The following RALGAPA1 variants were observed in gnomAD, a reference collection of about 807,000 sequenced individuals.
RALGAPA1 encodes the protein ral GTPase-activating protein subunit alpha-1.
In RALGAPA1, 52 loss-of-function variants were observed where a neutral mutation model predicts 269.6. The observed-to-expected ratio is 0.19, with a 90% CI of 0.15 to 0.24. The LOEUF (loss-of-function observed/expected upper bound fraction) is 0.24. RALGAPA1 is among the 10% of genes least tolerant of loss of function. The pLI, the probability that RALGAPA1 is intolerant of heterozygous loss-of-function variation, is 1.00. For synonymous variants in RALGAPA1, 817 were observed against 1,008.3 expected (o/e 0.81, Z 3.60); for missense variants, 1,917 against 3,013.9 (o/e 0.64, Z 8.52).
chr14:35,711,281 A>G (rs909174664), intron 16 of RALGAPA1, among the ~76,000 whole-genome samples: 12 of 152,122 alleles, frequency 7.9e-5, no homozygotes, highest in Non-Finnish European at 2.9e-5. Context: ...TTTTCTATTC[A>G]GTGCCTTTCT....
chr14:35,650,205 C>G (rs2062725218), intron 31 of RALGAPA1, among the ~76,000 whole-genome samples: 1 of 151,736 alleles, frequency 6.6e-6, no homozygotes, highest in South Asian at 2.1e-4. Flanking sequence ...GACCCCCCCG[C>G]CCCCGACACA....
At chr14:35,552,719 C>CAAAAAAAAAAAAAA (rs34917498) in intron 39 of RALGAPA1, among the ~76,000 whole-genome samples, 1 of 117,024 alleles carries the variant, frequency 8.5e-6, no homozygotes, top group Non-Finnish European at 2.0e-5. Context: ...ACTAGCCAAT[C>CAAAAAAAAAAAAAA]AAAAAAAAAA....
intron 17 of RALGAPA1, among the ~76,000 whole-genome samples, chr14:35,697,248 A>C (rs2066974926): frequency 6.6e-6 from 1 of 152,218 alleles, no homozygotes; most frequent in South Asian, 2.1e-4. Context: ...CTGGAACCTT[A>C]ATGGCACAGG....
chr14:35,607,659 G>A (rs926675979), intron 35 of RALGAPA1, among the ~76,000 whole-genome samples: 31 of 152,216 alleles, frequency 2.0e-4, no homozygotes, highest in African/African-American at 7.2e-4. Flanking sequence ...AGGTTGTAGT[G>A]AGAGATAGGT....
At chr14:35,774,050 A>G (rs2074839997) in intron 3 of RALGAPA1, among the ~76,000 whole-genome samples, 1 of 152,072 alleles carries the variant, frequency 6.6e-6, no homozygotes, top group African/African-American at 2.4e-5. Flanking sequence ...AGTCACTAGC[A>G]CTACAAGCGC....
At chr14:35,808,533 C>G (rs750177351) in intron 1 of RALGAPA1, among the ~76,000 whole-genome samples, 197 bp downstream of exon 1, 13 of 152,196 alleles carry the variant, frequency 8.5e-5, no homozygotes, top group Non-Finnish European at 1.5e-4. Flanking sequence ...AATTAGATTA[C>G]TGTGTTAACA....
intron 31 of RALGAPA1, among the ~76,000 whole-genome samples, chr14:35,638,525 A>G (rs2061807868): frequency 6.6e-6 from 1 of 152,132 alleles, no homozygotes; most frequent in African/African-American, 2.4e-5. Context: ...AGAGAAAATC[A>G]CCTTCACTAA....
In RALGAPA1 at chr14:35,700,286, G is replaced by A. The variant is rs556183596; in HGVS notation, c.2283C>T (p.Ser761=). ...RQKTVAMRSR[S]IGECALPSAY... ...CCGATGGCAGAGCACATTCACCAAT[G>A]GATCGGCTTCTCATGGCTTTAAAAA... Residue 761 remains serine, a synonymous_variant, in exon 17 of 42, where the codon TCC becomes TCT. Coordinates refer to ENST00000680220, the MANE Select transcript of RALGAPA1 (RefSeq NM_001346249.2). The A allele has an allele frequency of 6.6e-7, 1 of 1,525,982 alleles. No homozygotes were observed. Among genetic ancestry groups the A allele is most frequent in the African/African-American group, 1.4e-5 (1 of 72,714 alleles). 94.5% of individuals were successfully genotyped at this position (1,525,982 alleles called of 1,614,324 possible). A position where few individuals can be genotyped will look rare whatever the true frequency, so the allele number is the denominator to read the frequency against.
intron 1 of RALGAPA1, among the ~76,000 whole-genome samples, chr14:35,779,800 A>G (rs1457978554): frequency 1.3e-5 from 2 of 152,228 alleles, no homozygotes; most frequent in Non-Finnish European, 2.9e-5. Flanking sequence ...CAAAGTCTGG[A>G]AATTATTTAC....
intron 1 of RALGAPA1, among the ~76,000 whole-genome samples, chr14:35,780,857 C>T (rs775924416): frequency 8.6e-5 from 13 of 151,988 alleles, no homozygotes; most frequent in Admixed American, 7.2e-4. Context: ...TTTGGAAGGC[C>T]GAGGCAGGAG....
At chr14:35,757,075 T>A in intron 6 of RALGAPA1, among the ~76,000 whole-genome samples, 167 bp from the exon 7 acceptor site, 1 of 151,136 alleles carries the variant, frequency 6.6e-6, no homozygotes, top group South Asian at 2.1e-4. Context: ...TGATAGTTGA[T>A]CACAAAAATA....
At chr14:35,707,536 G>A (rs1376218690) in intron 16 of RALGAPA1, 2 of 152,114 alleles carry the variant, frequency 1.3e-5, no homozygotes, top group African/African-American at 4.8e-5. Context: ...TTTGCCAAAT[G>A]TTTTTTCTGC....
chr14:35,697,047 C>A (rs1167142417), intron 17 of RALGAPA1, among the ~76,000 whole-genome samples: 1 of 152,102 alleles, frequency 6.6e-6, no homozygotes, highest in Non-Finnish European at 1.5e-5. Context: ...ACTCTCTATT[C>A]TTATAACTCA....
intron 16 of RALGAPA1, among the ~76,000 whole-genome samples, chr14:35,717,606 C>T (rs1165336085): frequency 6.6e-6 from 1 of 152,028 alleles, no homozygotes; most frequent in Non-Finnish European, 1.5e-5. Flanking sequence ...CTGCCTAGTG[C>T]AGTGGTACAA....
intron 1 of RALGAPA1, among the ~76,000 whole-genome samples, chr14:35,776,486 A>C (rs939736056): frequency 6.6e-6 from 1 of 152,332 alleles, no homozygotes; most frequent in East Asian, 1.9e-4. Context: ...GGGATTAAAA[A>C]GCTCAAACAC....
In RALGAPA1 at chr14:35,699,061, C is replaced by T. The variant is rs1405530821; in HGVS notation, c.2407+1101G>A. ...ATGTAAAATACGTCCATTCATTCAT[C>T]AATACTTACTGGATATTAAGGTTTG... is the stretch of plus-strand genomic sequence containing the variant. On this transcript the variant is annotated intron_variant, in intron 17 of 41. Transcript: ENST00000680220. 2.0e-5 allele frequency among the ~76,000 whole-genome samples: 3 copies of T among 152,084 alleles called. No homozygotes were observed. The East Asian group carries it at 5.8e-4, about 29-fold the overall frequency.
intron 33 of RALGAPA1, among the ~76,000 whole-genome samples, chr14:35,632,467 C>A (rs1371972934): frequency 6.6e-6 from 1 of 152,112 alleles, no homozygotes. Context: ...ACAAAAGCAG[C>A]AAGACATAAA....
chr14:35,747,848 G>T (rs186238648), intron 10 of RALGAPA1, among the ~76,000 whole-genome samples: 2 of 152,078 alleles, frequency 1.3e-5, no homozygotes, highest in East Asian at 3.9e-4. Flanking sequence ...ATGCACTTAG[G>T]GATTTCCAGC....
chr14:35,671,664 C>A, intron 25 of RALGAPA1, 147 bp from the exon 26 acceptor site: 3 of 462,336 alleles, frequency 6.5e-6, no homozygotes. Flanking sequence ...AATTTCAATT[C>A]TTCCAAATAA....
Sources: gnomAD v4.1 joint callset for allele counts (sites outside exome capture counted in the v4.1 genomes callset) on GRCh38, gnomAD v4.1.1 for gene constraint, MANE v1.5 for transcripts, NCBI Gene and HGNC (gene_info 2026-07-23, HGNC 2026-07-21) for gene names.